The following FBXL4 variants were observed in gnomAD, a reference collection of about 807,000 sequenced individuals.
The protein encoded by FBXL4 is F-box/LRR-repeat protein 4.
In FBXL4, 40 loss-of-function variants were observed where a neutral mutation model predicts 58.9. The observed-to-expected ratio is 0.68, with a 90% CI of 0.53 to 0.88. The LOEUF (loss-of-function observed/expected upper bound fraction) is 0.88, where lower values mean the gene tolerates loss of function less well. Ranked by LOEUF, FBXL4 falls within the 40% of genes least tolerant of loss-of-function variation. The pLI is 0.00. For synonymous variants in FBXL4, 263 were observed against 265.5 expected, an observed-to-expected ratio of 0.99 and a Z score of 0.09; for missense variants, 676 against 734.4, an observed-to-expected ratio of 0.92 and a Z score of 0.92.
At chr6:98,905,010 T>A (rs1057126785) in intron 6 of FBXL4, among the ~76,000 whole-genome samples, 1 of 152,238 alleles carries the variant, frequency 6.6e-6, no homozygotes, top group Non-Finnish European at 1.5e-5. Flanking sequence ...ATTGCACATG[T>A]AATTAAGATT....
rs564600909 is a variant in FBXL4 at position 98,924,130 on chromosome 6, T to G, written c.512+2347A>C. ...TTGTACTTAAAATTAGTTATGCAGCTGTTAAGTTTTAGACTGGAGAAAACA... is the reference window on the plus strand; with the variant it reads ...TTGTACTTAAAATTAGTTATGCAGCGGTTAAGTTTTAGACTGGAGAAAACA... On this transcript the variant is annotated intron_variant, in intron 4 of 9. Coordinates refer to ENST00000369244, the MANE Select transcript of FBXL4 (RefSeq NM_001278716.2). Among the ~76,000 whole-genome samples the G allele has an allele frequency of 8.5e-5, 13 of 152,348 alleles. No homozygotes were observed. The South Asian group carries it at 2.5e-3, about 29-fold the overall frequency.
intron 1 of FBXL4, among the ~76,000 whole-genome samples, chr6:98,937,443 A>G (rs1298415943): frequency 6.6e-6 from 1 of 152,236 alleles, no homozygotes; most frequent in Non-Finnish European, 1.5e-5. Context: ...ATAATAAAGT[A>G]AGCTAGAGAA....
At chr6:98,917,918 A>G (rs930637514) in intron 4 of FBXL4, among the ~76,000 whole-genome samples, 199 bp from the exon 5 acceptor site, 3 of 152,192 alleles carry the variant, frequency 2.0e-5, no homozygotes, top group Non-Finnish European at 4.4e-5. Context: ...TTATTTTTAT[A>G]AGTCCCCAAA....
chr6:98,878,396 C>T (rs961405906), intron 8 of FBXL4, among the ~76,000 whole-genome samples: 2 of 152,116 alleles, frequency 1.3e-5, no homozygotes, highest in African/African-American at 4.8e-5. Flanking sequence ...GGCTGGAGTG[C>T]GGTGGTATAA....
chr6:98,925,201 T>C (rs1317681889), intron 4 of FBXL4, among the ~76,000 whole-genome samples: 3 of 152,212 alleles, frequency 2.0e-5, no homozygotes, highest in Non-Finnish European at 4.4e-5. Context: ...TAACATGAGA[T>C]AACATTTTTC....
chr6:98,892,593 A>G (rs12527281), intron 7 of FBXL4, among the ~76,000 whole-genome samples: 2 of 152,236 alleles, frequency 1.3e-5, no homozygotes, highest in South Asian at 4.1e-4. Flanking sequence ...ACACTCTTTC[A>G]AAAGACAGTT....
At chr6:98,923,268 T>C (rs527438060) in intron 4 of FBXL4, among the ~76,000 whole-genome samples, 1 of 152,236 alleles carries the variant, frequency 6.6e-6, no homozygotes, top group South Asian at 2.1e-4. Context: ...TAGCTTCTCC[T>C]AGAGTATCTT....
intron 4 of FBXL4, among the ~76,000 whole-genome samples, chr6:98,923,203 C>A (rs919663975): frequency 6.6e-6 from 1 of 152,014 alleles, no homozygotes; most frequent in South Asian, 2.1e-4. Context: ...TGGGACTTCA[C>A]ATGATATTGC....
chr6:98,907,914 T>C (rs1771874626), intron 5 of FBXL4, among the ~76,000 whole-genome samples: 1 of 152,178 alleles, frequency 6.6e-6, no homozygotes. Context: ...GTAATTTTCT[T>C]AGTAATTTAC....
intron 5 of FBXL4, among the ~76,000 whole-genome samples, chr6:98,916,972 A>G (rs1231827618): frequency 1.3e-5 from 2 of 152,148 alleles, no homozygotes; most frequent in African/African-American, 4.8e-5. Flanking sequence ...CAGAATAAGC[A>G]TTCATCTCAC....
intron 7 of FBXL4, among the ~76,000 whole-genome samples, chr6:98,888,216 T>C (rs1198803082): frequency 3.3e-5 from 5 of 152,234 alleles, no homozygotes; most frequent in African/African-American, 4.8e-5. Flanking sequence ...TGCCTGTTTT[T>C]GTAAATAAAG....
At chr6:98,910,561 G>C (rs1304802442) in intron 5 of FBXL4, among the ~76,000 whole-genome samples, 1 of 152,008 alleles carries the variant, frequency 6.6e-6, no homozygotes, top group Non-Finnish European at 1.5e-5. Context: ...GGAGGCTGAG[G>C]CAGGAGAATG....
At chr6:98,931,273 A>G (rs1466287592) in intron 2 of FBXL4, among the ~76,000 whole-genome samples, 1 of 152,244 alleles carries the variant, frequency 6.6e-6, no homozygotes, top group African/African-American at 2.4e-5. Flanking sequence ...AGCTTTTACC[A>G]TTGTAGATTA....
chr6:98,902,138 A>T (rs1771635627), intron 6 of FBXL4, among the ~76,000 whole-genome samples: 1 of 152,186 alleles, frequency 6.6e-6, no homozygotes, highest in Non-Finnish European at 1.5e-5. Flanking sequence ...CACAAAATAA[A>T]AGGTAATAGT....
chr6:98,942,446 T>C (rs1582463688), intron 1 of FBXL4, among the ~76,000 whole-genome samples: 1 of 151,720 alleles, frequency 6.6e-6, no homozygotes, highest in Admixed American at 6.6e-5. Context: ...ATCATGGGGG[T>C]GGTTTCTCAT....
intron 7 of FBXL4, among the ~76,000 whole-genome samples, chr6:98,882,845 TTTGA>T (rs1449737490): frequency 6.6e-6 from 1 of 152,056 alleles, no homozygotes. Flanking sequence ...TACAATCTCA[TTTGA>T]TTGATATTTA....
Position 98,870,764 on chromosome 6 carries a change from T to C in FBXL4, c.*3514A>G, listed in dbSNP as rs1350886890. The C allele has an allele frequency of 6.6e-6, 1 of 152,188 alleles. No individual in the cohort carries two copies. Among genetic ancestry groups the C allele is most frequent in the Non-Finnish European group, 1.5e-5 (1 of 68,040 alleles). 9.4% of individuals were successfully genotyped at this position (152,188 alleles called of 1,614,324 possible). A position where few individuals can be genotyped will look rare whatever the true frequency, so the allele number is the denominator to read the frequency against. ...TCAGAGTATGATGTTTAATATGCAA[T>C]GTCATTATAGCTGTTCTTAAAGAAT... On this transcript the variant is annotated 3_prime_UTR_variant, in exon 10 of 10. Coordinates refer to ENST00000369244, the MANE Select transcript of FBXL4 (RefSeq NM_001278716.2).
intron 5 of FBXL4, among the ~76,000 whole-genome samples, chr6:98,916,701 G>A (rs1289714043): frequency 6.6e-6 from 1 of 151,932 alleles, no homozygotes; most frequent in Admixed American, 6.6e-5. Context: ...ATAGCATTAG[G>A]AGATATACCT....
chr6:98,935,369 CAA>C (rs1562250597), intron 1 of FBXL4, among the ~76,000 whole-genome samples: 1 of 150,058 alleles, frequency 6.7e-6, no homozygotes, highest in Non-Finnish European at 1.5e-5. Context: ...TGCTATCTCA[CAA>C]AGTGAAAAGA....
Sources: allele counts gnomAD v4.1 joint callset (sites outside exome capture counted in the v4.1 genomes callset), GRCh38; gene constraint gnomAD v4.1.1; transcripts MANE v1.5; gene names NCBI Gene and HGNC (gene_info 2026-07-23, HGNC 2026-07-21).